NXNL1: variants seen among roughly 807,000 people sequenced by gnomAD.
NXNL1 encodes nucleoredoxin like 1, also known as nucleoredoxin-like protein 1.
NXNL1 carries 6 observed loss-of-function variants against 7.2 expected under a neutral mutation model. The observed-to-expected ratio is 0.83, with a 90% CI of 0.46 to 1.64. NXNL1 has a LOEUF of 1.64. Ranked by LOEUF, NXNL1 falls within the 40% of genes most tolerant of loss-of-function variation. The pLI is 0.01. For missense variants in NXNL1, 308 were observed against 285.1 expected (o/e 1.08, Z -0.58); for synonymous variants, 133 against 127.2 (o/e 1.05, Z -0.31).
At position 17,455,668 on chromosome 19, in the gene NXNL1, G is replaced by GGGGGGC; in HGVS notation, c.617_618insGCCCCC (p.Gly206_Gly207insProPro). ...CGGGTCAGAACAGCCCCCCGGCCCC[G>GGGGGGC]CCCTCCTCCCCACCCCCTCCCCCGG... On this transcript the variant is annotated inframe_insertion, in exon 2 of 2. Coordinates refer to ENST00000301944, the MANE Select transcript of NXNL1 (RefSeq NM_138454.2). 8 of 330,218 alleles carry GGGGGGC rather than the reference G, an allele frequency of 2.4e-5. No individual in the cohort carries two copies. Among genetic ancestry groups the GGGGGGC allele is most frequent in the East Asian group, 1.5e-4 (2 of 12,966 alleles). 20.5% of individuals were successfully genotyped at this position (330,218 alleles called of 1,614,324 possible).
intron 1 of NXNL1, 121 bp downstream of exon 1, chr19:17,460,423 C>T (rs1189073253): frequency 1.8e-6 from 2 of 1,091,644 alleles, no homozygotes; most frequent in Non-Finnish European, 2.6e-6. Flanking sequence ...TGTCTGTACC[C>T]CCTAGTTCCC....
Position 17,455,558 on chromosome 19 carries a change from C to T in NXNL1, c.*89G>A. ...TCAAGCGATCCTCCCGCCTTGGCCT[C>T]CCCAAGTGCTGGGATTACAGGCGTG... On this transcript the variant is annotated 3_prime_UTR_variant, in exon 2 of 2. Transcript: ENST00000301944. The T allele has an allele frequency of 1.2e-6, 1 of 813,954 alleles. No homozygotes were observed. The highest frequency in any genetic ancestry group is 2.7e-5 in the Admixed American group (1 of 37,236). 50.4% of individuals were successfully genotyped at this position (813,954 alleles called of 1,614,324 possible).
chr19:17,455,627 C>T lies in NXNL1; in HGVS notation c.*20G>A. The T allele has an allele frequency of 1.5e-6, 2 of 1,347,892 alleles. No homozygotes were observed. The highest frequency in any genetic ancestry group is 2.0e-6 in the Non-Finnish European group (2 of 981,202). The allele number at this position is 1,347,892 out of a possible 1,614,324, so 83.5% of individuals were successfully genotyped here. A position where few individuals can be genotyped will look rare whatever the true frequency, so the allele number is the denominator to read the frequency against. Reference sequence around the variant, plus strand: ...GGAGGTTCATCAACAAACCCCACTCCTCTCCTCCACCCTAGCGGGTCAGAA... The same window carrying T: ...GGAGGTTCATCAACAAACCCCACTCTTCTCCTCCACCCTAGCGGGTCAGAA... On this transcript the variant is annotated 3_prime_UTR_variant, in exon 2 of 2. Transcript: ENST00000301944.
Position 17,460,872 on chromosome 19 carries a change from T to C in NXNL1, c.-3A>G. ...CGGCCAGAGAACAGGGAGGCCATGG[T>C]AACCTGGGTTGGGTGCTGGGGACAG... On this transcript the variant is annotated 5_prime_UTR_variant, in exon 1 of 2. Transcript: ENST00000301944. 6.2e-7 allele frequency: 1 copy of C among 1,612,622 alleles called. No individual in the cohort carries two copies. The highest frequency in any genetic ancestry group is 1.1e-5 in the South Asian group (1 of 91,088).
In NXNL1 at chr19:17,455,673, C is replaced by CCAA; in HGVS notation, c.612_613insTTG (p.Glu204_Glu205insLeu). On this transcript the variant is annotated inframe_insertion, in exon 2 of 2. Coordinates refer to ENST00000301944, the MANE Select transcript of NXNL1 (RefSeq NM_138454.2). ...CAGAACAGCCCCCCGGCCCCGCCCT[C>CCAA]CTCCCCACCCCCTCCCCCGGGGTCG... The CCAA allele has an allele frequency of 1.4e-5, 15 of 1,066,616 alleles. No homozygotes were observed. Among genetic ancestry groups the CCAA allele is most frequent in the African/African-American group, 3.2e-5 (2 of 62,070 alleles). The allele number at this position is 1,066,616 out of a possible 1,614,324, so 66.1% of individuals were successfully genotyped here.
Position 17,455,816 on chromosome 19 carries a change from T to G in NXNL1, c.470A>C (p.Glu157Ala). ...ACFANWQEAA[E>A]VLDRNFQLPE... ...CAGCTGGAAGTTGCGGTCCAGCACCTCGGCCGCCTCCTGCCAGTTGGCGAA... is the reference window on the plus strand; with the variant it reads ...CAGCTGGAAGTTGCGGTCCAGCACCGCGGCCGCCTCCTGCCAGTTGGCGAA... Residue 157 changes from glutamate to alanine, a missense_variant, in exon 2 of 2, where the codon GAG (glutamate) becomes GCG (alanine). By Grantham distance (107) the Glu-to-Ala change is moderately radical. Transcript: ENST00000301944. The G allele has an allele frequency of 6.4e-7, 1 of 1,574,078 alleles. No homozygotes were observed.
At chr19:17,457,888 G>A (rs2074998733) in intron 1 of NXNL1, among the ~76,000 whole-genome samples, 1 of 152,224 alleles carries the variant, frequency 6.6e-6, no homozygotes, top group Non-Finnish European at 1.5e-5. Context: ...GCAGGATTCA[G>A]TGTCCAAACT....
intron 1 of NXNL1, among the ~76,000 whole-genome samples, chr19:17,458,276 G>A (rs1319197805): frequency 7.3e-6 from 1 of 136,216 alleles, no homozygotes; most frequent in African/African-American, 2.8e-5. Flanking sequence ...CTGGAGTGCA[G>A]TGGCACGATC....
At chr19:17,456,307 C>CAAATAAATAAATAAATAAATAAAT (rs79711612) in intron 1 of NXNL1, among the ~76,000 whole-genome samples, 24 of 140,486 alleles carry the variant, frequency 1.7e-4, no homozygotes, top group East Asian at 6.2e-4. Context: ...CCTGTCTCTA[C>CAAATAAATAAATAAATAAATAAAT]AAATAAATAA....
In NXNL1 at chr19:17,460,816, G is replaced by C; in HGVS notation, c.54C>G (p.Asp18Glu). Residue 18 changes from aspartate to glutamate, a missense_variant, in exon 1 of 2, where the codon GAC becomes GAG. Physicochemically the swap from Asp to Glu is conservative, Grantham distance 45. Transcript: ENST00000301944. ...RILIRNNSDQ[D>E]ELDTEAEVSR... ...TGACCTCAGCCTCCGTATCCAGCTC[G>C]TCCTGGTCGCTATTGTTGCGGATCA... 6 of 1,613,794 alleles carry C rather than the reference G, an allele frequency of 3.7e-6. No individual in the cohort carries two copies. The South Asian group carries it at 6.6e-5, about 18-fold the overall frequency.
intron 1 of NXNL1, among the ~76,000 whole-genome samples, chr19:17,458,787 A>G (rs1446209124): frequency 6.6e-6 from 1 of 151,292 alleles, no homozygotes; most frequent in Non-Finnish European, 1.5e-5. Flanking sequence ...TTTTTAGTAG[A>G]GACGGGGTTT....
intron 1 of NXNL1, among the ~76,000 whole-genome samples, chr19:17,458,808 G>A (rs2144517253): frequency 6.6e-6 from 1 of 151,766 alleles, no homozygotes; most frequent in South Asian, 2.1e-4. Context: ...CACCATGTTG[G>A]CCAGGTTGGT....
intron 1 of NXNL1, among the ~76,000 whole-genome samples, chr19:17,459,355 C>T (rs1326065060): frequency 6.6e-6 from 1 of 152,190 alleles, no homozygotes; most frequent in East Asian, 1.9e-4. Context: ...CCTCATTCTC[C>T]ATCCTCCTAT....
In NXNL1 at chr19:17,460,904, G is replaced by GC; in HGVS notation, c.-36_-35insG. 1 of 1,600,500 alleles carries GC rather than the reference G, an allele frequency of 6.2e-7. No individual in the cohort carries two copies. The highest frequency in any genetic ancestry group is 8.5e-7 in the Non-Finnish European group (1 of 1,172,994). ...GGTTGGGTGCTGGGGACAGCGCGGCGTGTGGTCCCCGGTCTGCTGACTGGC... is the reference window on the plus strand; with the variant it reads ...GGTTGGGTGCTGGGGACAGCGCGGCGCTGTGGTCCCCGGTCTGCTGACTGGC... On this transcript the variant is annotated 5_prime_UTR_variant, in exon 1 of 2. Coordinates refer to ENST00000301944, the MANE Select transcript of NXNL1 (RefSeq NM_138454.2).
chr19:17,459,561 C>T (rs1262650974), intron 1 of NXNL1, among the ~76,000 whole-genome samples: 1 of 151,712 alleles, frequency 6.6e-6, no homozygotes, highest in Non-Finnish European at 1.5e-5. Flanking sequence ...GGGACCACAG[C>T]TGTGCGCCAC....
At chr19:17,456,023 C>A in intron 1 of NXNL1, 64 bp from the exon 2 acceptor site, 3 of 1,588,986 alleles carry the variant, frequency 1.9e-6, no homozygotes, top group Non-Finnish European at 2.6e-6. Context: ...GAGAGCCCCA[C>A]ATCCCTCCTC....
intron 1 of NXNL1, among the ~76,000 whole-genome samples, chr19:17,458,206 CTTTT>C (rs1446244926): frequency 2.1e-5 from 3 of 142,448 alleles, no homozygotes; most frequent in African/African-American, 7.7e-5. Flanking sequence ...TTCTTTCTTT[CTTTT>C]TCTTTCTTTC....
At chr19:17,459,210 T>A (rs2075004191) in intron 1 of NXNL1, among the ~76,000 whole-genome samples, 1 of 152,202 alleles carries the variant, frequency 6.6e-6, no homozygotes, top group South Asian at 2.1e-4. Context: ...TTATGACAAA[T>A]GCGTGGGCAG....
Position 17,455,662 on chromosome 19 carries a change from G to GCC in NXNL1, c.623_624insGG (p.Gly209AlafsTer56). ...CCCTAGCGGGTCAGAACAGCCCCCC[G>GCC]GCCCCGCCCTCCTCCCCACCCCCTC... On this transcript the variant is annotated frameshift_variant, in exon 2 of 2. Coordinates refer to ENST00000301944, the MANE Select transcript of NXNL1 (RefSeq NM_138454.2). LOFTEE classifies it high-confidence loss of function. 2.1e-6 allele frequency: 1 copy of GCC among 471,738 alleles called. No homozygotes were observed. Among genetic ancestry groups the GCC allele is most frequent in the Non-Finnish European group, 3.9e-6 (1 of 258,728 alleles). 29.2% of individuals were successfully genotyped at this position (471,738 alleles called of 1,614,324 possible). A position where few individuals can be genotyped will look rare whatever the true frequency, so the allele number is the denominator to read the frequency against.
Sources: allele counts gnomAD v4.1 joint callset (sites outside exome capture counted in the v4.1 genomes callset), GRCh38; gene constraint gnomAD v4.1.1; transcripts MANE v1.5; gene names NCBI Gene and HGNC (gene_info 2026-07-23, HGNC 2026-07-21).